Variants in ZC3HAV1 observed in about 807,000 individuals in gnomAD.
ZC3HAV1 encodes zinc finger CCCH-type antiviral protein 1.
In ZC3HAV1, 41 loss-of-function variants were observed where a neutral mutation model predicts 86.6. The observed-to-expected ratio is 0.47, with a 90% CI of 0.37 to 0.61. The LOEUF (loss-of-function observed/expected upper bound fraction) is 0.61, where lower values mean the gene tolerates loss of function less well. ZC3HAV1 is among the 20% of genes least tolerant of loss of function. The pLI, the probability that ZC3HAV1 is intolerant of heterozygous loss-of-function variation, is 0.00. For synonymous variants in ZC3HAV1, 421 were observed against 432.1 expected (o/e 0.97, Z 0.32); for missense variants, 964 against 1,141.1 (o/e 0.84, Z 2.24).
At chr7:139,099,954 GTAAA>G (rs1291312550) in intron 1 of ZC3HAV1, among the ~76,000 whole-genome samples, 1 of 145,694 alleles carries the variant, frequency 6.9e-6, no homozygotes, top group Admixed American at 6.9e-5. Context: ...CCTCAAAAAA[GTAAA>G]TAAATAAAAT....
intron 5 of ZC3HAV1, among the ~76,000 whole-genome samples, chr7:139,077,003 C>A (rs117540354): frequency 0.058 from 8,103 of 140,116 alleles, 247 homozygotes; most frequent in South Asian, 0.08. Flanking sequence ...TTTCTGCACC[C>A]CCCCAAGTGT....
At chr7:139,073,446 C>A (rs1446027110) in intron 7 of ZC3HAV1, among the ~76,000 whole-genome samples, 1 of 151,998 alleles carries the variant, frequency 6.6e-6, no homozygotes, top group Non-Finnish European at 1.5e-5. Context: ...CCACGGGTAA[C>A]CATGTAGGCT....
Position 139,083,818 on chromosome 7 carries a change from T to C in ZC3HAV1, c.659A>G (p.Asn220Ser). Residue 220 changes from asparagine (N) to serine (S), a missense_variant, in exon 3 of 13, where the codon AAC (asparagine) becomes AGC (serine). Physicochemically the swap from Asn to Ser is conservative, Grantham distance 46. Transcript: ENST00000242351. ...GGGATTCTTCTGCATGTGCTTGCTG[T>C]TGCAGATGTCCTGGATGTTCTGGAC... ...DVVQNIQDIC[N>S]SKHMQKNPPG... The C allele has an allele frequency of 6.2e-7, 1 of 1,613,846 alleles. No individual in the cohort carries two copies. The highest frequency in any genetic ancestry group is 1.3e-5 in the African/African-American group (1 of 74,976).
chr7:139,077,556 T>C (rs1816989384), intron 5 of ZC3HAV1, among the ~76,000 whole-genome samples: 1 of 152,176 alleles, frequency 6.6e-6, no homozygotes, highest in Non-Finnish European at 1.5e-5. Context: ...TTATGGATGT[T>C]TTCATGCCCT....
intron 1 of ZC3HAV1, among the ~76,000 whole-genome samples, chr7:139,090,954 T>A (rs1817411760): frequency 6.6e-6 from 1 of 152,084 alleles, no homozygotes; most frequent in African/African-American, 2.4e-5. Flanking sequence ...GGCCAGTCAC[T>A]CAGGCTCTAG....
At chr7:139,067,749 C>T (rs1584849113) in intron 7 of ZC3HAV1, among the ~76,000 whole-genome samples, 1 of 152,156 alleles carries the variant, frequency 6.6e-6, no homozygotes, top group East Asian at 1.9e-4. Context: ...GAAAAGCATA[C>T]ACGTTCATTT....
In ZC3HAV1 at chr7:139,068,897, G is replaced by A. The variant is rs371589758; in HGVS notation, c.1873-3898C>T. On this transcript the variant is annotated intron_variant, in intron 7 of 12. Transcript: ENST00000242351. ...AAGACTAACAGGACAGCGGGAGCATGCCCATGTCATGCGTATGTTATGGTC... is the reference window on the plus strand; with the variant it reads ...AAGACTAACAGGACAGCGGGAGCATACCCATGTCATGCGTATGTTATGGTC... Among the ~76,000 whole-genome samples the A allele has an allele frequency of 2.0e-5, 3 of 152,198 alleles. No homozygotes were observed. The East Asian group carries it at 5.8e-4, about 29-fold the overall frequency.
chr7:139,048,836 G>T (rs1215593767), intron 12 of ZC3HAV1, among the ~76,000 whole-genome samples: 1 of 151,888 alleles, frequency 6.6e-6, no homozygotes, highest in Non-Finnish European at 1.5e-5. Context: ...TCAGATACTA[G>T]ATATTCTGTG....
chr7:139,061,184 C>T (rs1816432498), intron 8 of ZC3HAV1, 46 bp from the exon 9 acceptor site: 1 of 1,576,882 alleles, frequency 6.3e-7, no homozygotes, highest in African/African-American at 1.4e-5. Flanking sequence ...CAAGATCAGC[C>T]CTAGAAAATG....
intron 9 of ZC3HAV1, among the ~76,000 whole-genome samples, chr7:139,060,046 G>A (rs371205477): frequency 3.6e-4 from 55 of 152,254 alleles, no homozygotes; most frequent in African/African-American, 1.3e-3. Flanking sequence ...TGTTAACCTG[G>A]TCCCAAGAAA....
At chr7:139,087,128 G>A (rs1338756134) in intron 2 of ZC3HAV1, among the ~76,000 whole-genome samples, 2 of 152,122 alleles carry the variant, frequency 1.3e-5, no homozygotes, top group African/African-American at 4.8e-5. Flanking sequence ...ACTAGACTAA[G>A]GATAGACCAC....
intron 8 of ZC3HAV1, among the ~76,000 whole-genome samples, chr7:139,062,704 A>G (rs926118387): frequency 6.6e-6 from 1 of 152,222 alleles, no homozygotes; most frequent in African/African-American, 2.4e-5. Flanking sequence ...AGCTTAATGC[A>G]TGACAGAATA....
At chr7:139,094,184 G>A (rs1045418535) in intron 1 of ZC3HAV1, among the ~76,000 whole-genome samples, 4 of 152,052 alleles carry the variant, frequency 2.6e-5, no homozygotes, top group Non-Finnish European at 5.9e-5. Flanking sequence ...TTAGATTCCT[G>A]GGCCCCCACC....
At chr7:139,091,266 G>A (rs569517212) in intron 1 of ZC3HAV1, among the ~76,000 whole-genome samples, 3 of 152,314 alleles carry the variant, frequency 2.0e-5, no homozygotes, top group Admixed American at 6.5e-5. Context: ...TCGGGAGGCC[G>A]AGGCGGGCGG....
intron 1 of ZC3HAV1, among the ~76,000 whole-genome samples, chr7:139,090,927 C>T (rs944649630): frequency 3.3e-5 from 5 of 152,142 alleles, no homozygotes; most frequent in African/African-American, 9.7e-5. Flanking sequence ...GTGTACCTTG[C>T]CTCCTGGAGA....
At position 139,079,982 on chromosome 7, in the gene ZC3HAV1, C is replaced by T. The variant is rs1475536637; in HGVS notation, c.959G>A (p.Gly320Glu). Reference sequence around the variant, plus strand: ...CTGGCTTGTCCCGGCCTGACTTGTTCCTCCAAGATCAGTAGCCTTGGACGA... The same window carrying T: ...CTGGCTTGTCCCGGCCTGACTTGTTTCTCCAAGATCAGTAGCCTTGGACGA... ...SGSSKATDLG[G>E]TSQAGTSQRF... The change falls in exon 4 of 13, where the codon GGA becomes GAA. Residue 320 changes from glycine (G) to glutamate (E), a missense_variant. Transcript: ENST00000242351. The T allele has an allele frequency of 6.2e-7, 1 of 1,614,066 alleles. No individual in the cohort carries two copies. The highest frequency in any genetic ancestry group is 1.3e-5 in the African/African-American group (1 of 74,922).
chr7:139,101,486 C>G (rs1422526360), intron 1 of ZC3HAV1, among the ~76,000 whole-genome samples: 1 of 108,558 alleles, frequency 9.2e-6, no homozygotes, highest in Non-Finnish European at 1.8e-5. Flanking sequence ...GCGCCTCAGC[C>G]CGGCCACCAC....
chr7:139,102,730 CACA>C (rs1817810629), intron 1 of ZC3HAV1, among the ~76,000 whole-genome samples: 1 of 43,098 alleles, frequency 2.3e-5, no homozygotes. Flanking sequence ...TGTCTCTATA[CACA>C]CACACACACA....
chr7:139,048,575 C>T (rs1309883459), intron 12 of ZC3HAV1, among the ~76,000 whole-genome samples: 4 of 152,108 alleles, frequency 2.6e-5, no homozygotes, highest in Non-Finnish European at 5.9e-5. Context: ...TGCACTCCAG[C>T]CTGGGCAACA....
Sources: allele counts gnomAD v4.1 joint callset (sites outside exome capture counted in the v4.1 genomes callset), GRCh38; gene constraint gnomAD v4.1.1; transcripts MANE v1.5; gene names NCBI Gene and HGNC (gene_info 2026-07-23, HGNC 2026-07-21).